Variants in ASPH observed in about 807,000 individuals in gnomAD.
The protein encoded by ASPH is aspartate beta-hydroxylase, also known as aspartyl/asparaginyl beta-hydroxylase.
ASPH carries 100 observed loss-of-function variants against 118.4 expected under a neutral mutation model. The ratio of observed to expected loss-of-function variants is 0.84; its 90% CI spans 0.72 to 1.00. The LOEUF is 1.00. Ranked by LOEUF, ASPH falls within the 50% of genes least tolerant of loss-of-function variation. The pLI is 0.00. For missense variants in ASPH, 920 were observed against 919.5 expected (o/e 1.00, Z -0.01); for synonymous variants, 315 against 325.6 (o/e 0.97, Z 0.35).
At chr8:61,688,547 C>A (rs1244165882) in intron 1 of ASPH, among the ~76,000 whole-genome samples, 10 of 152,170 alleles carry the variant, frequency 6.6e-5, no homozygotes, top group African/African-American at 2.4e-4. Flanking sequence ...CACTGGCCTA[C>A]TACTAACTGA....
At chr8:61,669,073 A>T (rs1821092652) in intron 3 of ASPH, among the ~76,000 whole-genome samples, 1 of 152,172 alleles carries the variant, frequency 6.6e-6, no homozygotes. Context: ...TGGAGGTGCA[A>T]TGTAGTGTTC....
intron 3 of ASPH, chr8:61,661,901 G>T: frequency 4.4e-6 from 2 of 450,282 alleles, no homozygotes; most frequent in South Asian, 1.0e-4. Flanking sequence ...ATTTTGAGAC[G>T]ATCATCTATA....
chr8:61,557,253 C>G (rs954409916), intron 18 of ASPH, among the ~76,000 whole-genome samples: 2 of 152,090 alleles, frequency 1.3e-5, no homozygotes, highest in African/African-American at 4.8e-5. Flanking sequence ...AGAGTGAGTG[C>G]AAGATAGGGT....
In ASPH at chr8:61,502,108, A is replaced by T. The variant is rs1000736514; in HGVS notation, c.*1251T>A. On this transcript the variant is annotated 3_prime_UTR_variant, in exon 25 of 25. Transcript: ENST00000379454. ...ATCATCTTTGGAATGAGTAGGCAAG[A>T]CGATTTTTACCTATTATTTCTATGT... 6.6e-6 allele frequency: 1 copy of T among 152,220 alleles called. No individual in the cohort carries two copies. Among genetic ancestry groups the T allele is most frequent in the African/African-American group, 2.4e-5 (1 of 41,448 alleles). The allele number at this position is 152,220 out of a possible 1,614,324, so 9.4% of individuals were successfully genotyped here.
intron 17 of ASPH, among the ~76,000 whole-genome samples, chr8:61,563,199 A>AG (rs1830568619): frequency 6.6e-6 from 1 of 151,608 alleles, no homozygotes; most frequent in African/African-American, 2.4e-5. Flanking sequence ...CCTCGTTAAA[A>AG]AAAAAAGTTC....
chr8:61,609,378 C>T (rs1201974590), intron 14 of ASPH, among the ~76,000 whole-genome samples: 4 of 18,902 alleles, frequency 2.1e-4, no homozygotes, highest in South Asian at 6.4e-3. Context: ...CGCGTGGTCT[C>T]CAGACACTGC....
chr8:61,632,763 C>CT, intron 13 of ASPH: 1 of 277,574 alleles, frequency 3.6e-6, no homozygotes, highest in Non-Finnish European at 7.2e-6. Context: ...TTATTTTATC[C>CT]TTTTTTATCA....
intron 15 of ASPH, 93 bp from the exon 16 acceptor site, chr8:61,576,951 A>C: frequency 9.3e-7 from 1 of 1,079,676 alleles, no homozygotes; most frequent in Non-Finnish European, 1.3e-6. Flanking sequence ...GTTTTGTCAG[A>C]GTTTCCTAGA....
rs764311951 is a variant in ASPH, at chr8:61,583,953, G to A, written c.1053C>T (p.Leu351=). The A allele has an allele frequency of 6.3e-7, 1 of 1,580,464 alleles. No individual in the cohort carries two copies. Among genetic ancestry groups the A allele is most frequent in the East Asian group, 2.3e-5 (1 of 44,244 alleles). Reference sequence around the variant, plus strand: ...AAAAATATCAACCTACCCTTTTACGGAGTTTTTCTGCAGCATCAAGTTCAG... The same window carrying A: ...AAAAATATCAACCTACCCTTTTACGAAGTTTTTCTGCAGCATCAAGTTCAG... ...IKAELDAAEK[L]RKRGKIEEAV... The change falls in exon 15 of 25, where the codon CTC becomes CTT. Residue 351 remains leucine, a synonymous_variant. Transcript: ENST00000379454.
At chr8:61,505,075 T>G (rs1805923618) in intron 24 of ASPH, among the ~76,000 whole-genome samples, 1 of 152,192 alleles carries the variant, frequency 6.6e-6, no homozygotes, top group Admixed American at 6.5e-5. Context: ...AGAGATAATT[T>G]GAATCATGGG....
At chr8:61,527,742 T>C (rs1243235968) in intron 21 of ASPH, among the ~76,000 whole-genome samples, 4 of 151,876 alleles carry the variant, frequency 2.6e-5, no homozygotes, top group African/African-American at 4.8e-5. Context: ...TGAGGAGTGT[T>C]GGGAGCAAGG....
chr8:61,704,367 A>G (rs1366431691), intron 1 of ASPH, among the ~76,000 whole-genome samples: 1 of 152,022 alleles, frequency 6.6e-6, no homozygotes. Flanking sequence ...ATAGAAAAAT[A>G]TAAATCTAAT....
intron 1 of ASPH, among the ~76,000 whole-genome samples, chr8:61,709,300 T>C (rs1349966706): frequency 1.3e-5 from 2 of 151,380 alleles, no homozygotes; most frequent in African/African-American, 2.4e-5. Context: ...AACAAGAAAA[T>C]ACCATCTTGG....
intron 2 of ASPH, among the ~76,000 whole-genome samples, chr8:61,682,884 T>C (rs1469474367): frequency 6.6e-6 from 1 of 152,032 alleles, no homozygotes; most frequent in Non-Finnish European, 1.5e-5. Context: ...TTTTTTCCAG[T>C]GACAGGTCCA....
At chr8:61,696,583 A>T (rs753745784) in intron 1 of ASPH, among the ~76,000 whole-genome samples, 6 of 152,166 alleles carry the variant, frequency 3.9e-5, no homozygotes, top group Non-Finnish European at 8.8e-5. Flanking sequence ...TAGTTCCTCA[A>T]GCCAGGCCTA....
chr8:61,562,977 C>A, intron 17 of ASPH, 97 bp from the exon 18 acceptor site: 2 of 1,242,056 alleles, frequency 1.6e-6, no homozygotes, highest in Non-Finnish European at 1.1e-6. Flanking sequence ...TCACCAGAGC[C>A]TGAGAACCAG....
At chr8:61,530,267 C>T (rs537976457) in intron 21 of ASPH, among the ~76,000 whole-genome samples, 22 of 152,220 alleles carry the variant, frequency 1.4e-4, no homozygotes, top group East Asian at 5.8e-4. Flanking sequence ...GTTGGTTGCC[C>T]GAAAGACACC....
At chr8:61,661,691 G>A (rs930145234) in intron 3 of ASPH, 1 of 319,516 alleles carries the variant, frequency 3.1e-6, no homozygotes, top group African/African-American at 2.1e-5. Context: ...TTCAATGGAA[G>A]TGTCTATGGG....
At chr8:61,665,895 C>T (rs1490707838) in intron 3 of ASPH, among the ~76,000 whole-genome samples, 1 of 151,932 alleles carries the variant, frequency 6.6e-6, no homozygotes, top group Non-Finnish European at 1.5e-5. Flanking sequence ...TTGAGGGCAC[C>T]ACGAAGGCAG....
Sources: gnomAD v4.1 joint callset for allele counts (sites outside exome capture counted in the v4.1 genomes callset) on GRCh38, gnomAD v4.1.1 for gene constraint, MANE v1.5 for transcripts, NCBI Gene and HGNC (gene_info 2026-07-23, HGNC 2026-07-21) for gene names.